Variants in CTNNA2 observed in about 807,000 individuals in gnomAD.
CTNNA2 encodes catenin alpha-2.
CTNNA2 carries 42 observed loss-of-function variants against 101.0 expected under a neutral mutation model. The ratio of observed to expected loss-of-function variants is 0.42; its 90% confidence interval spans 0.32 to 0.54. CTNNA2 has a LOEUF of 0.54. CTNNA2 is among the 20% of genes least tolerant of loss of function. The pLI, the probability that CTNNA2 is intolerant of heterozygous loss-of-function variation, is 0.14. For missense variants in CTNNA2, 871 were observed against 1,223.1 expected (o/e 0.71, Z 4.29); for synonymous variants, 450 against 456.4 (o/e 0.99, Z 0.18).
At chr2:80,357,209 CA>C (rs2149309313) in intron 7 of CTNNA2, among the ~76,000 whole-genome samples, 1 of 151,796 alleles carries the variant, frequency 6.6e-6, no homozygotes, top group South Asian at 2.1e-4. Context: ...GTTACCTTGC[CA>C]GGAGGCATTC....
chr2:79,652,091 A>G (rs574293446), intron 2 of CTNNA2, among the ~76,000 whole-genome samples: 22 of 152,300 alleles, frequency 1.4e-4, no homozygotes, highest in African/African-American at 5.3e-4. Context: ...GAGATGTTCC[A>G]TTTTTGTGTT....
intron 3 of CTNNA2, among the ~76,000 whole-genome samples, chr2:79,769,008 C>A (rs904925599): frequency 1.3e-5 from 2 of 152,136 alleles, no homozygotes; most frequent in African/African-American, 4.8e-5. Flanking sequence ...GTGCCCGCCA[C>A]CACGCCTGGC....
intron 7 of CTNNA2, among the ~76,000 whole-genome samples, chr2:80,062,984 C>A (rs1021072455): frequency 7.9e-5 from 12 of 152,132 alleles, no homozygotes; most frequent in African/African-American, 2.2e-4. Context: ...GGATTACAGG[C>A]GTGAGCCACC....
chr2:80,132,696 C>T (rs1380992679), intron 7 of CTNNA2, among the ~76,000 whole-genome samples: 1 of 152,098 alleles, frequency 6.6e-6, no homozygotes, highest in African/African-American at 2.4e-5. Context: ...GTGAGTAAAA[C>T]TAAAATTAGC....
intron 7 of CTNNA2, among the ~76,000 whole-genome samples, chr2:80,165,829 C>A (rs1010273922): frequency 1.3e-5 from 2 of 152,198 alleles, no homozygotes; most frequent in Non-Finnish European, 1.5e-5. Flanking sequence ...TCTTGGCGTT[C>A]TACTTGGGCT....
intron 8 of CTNNA2, among the ~76,000 whole-genome samples, chr2:80,409,144 A>T (rs1270863614): frequency 3.3e-5 from 5 of 152,198 alleles, no homozygotes; most frequent in Non-Finnish European, 7.3e-5. Flanking sequence ...CAAGGTAGTT[A>T]TGCTAGAAAT....
intron 7 of CTNNA2, among the ~76,000 whole-genome samples, chr2:80,015,466 G>A (rs909548263): frequency 6.6e-5 from 10 of 152,120 alleles, no homozygotes; most frequent in Admixed American, 1.3e-4. Flanking sequence ...AGCGCTCTCT[G>A]ATGGGGTACT....
At chr2:80,526,490 G>A (rs1389509407) in intron 9 of CTNNA2, among the ~76,000 whole-genome samples, 8 of 151,842 alleles carry the variant, frequency 5.3e-5, no homozygotes, top group African/African-American at 1.7e-4. Context: ...GCGTCACCAC[G>A]CCTGGCTAAT....
At chr2:80,254,226 C>G (rs1671970024) in intron 7 of CTNNA2, among the ~76,000 whole-genome samples, 1 of 152,054 alleles carries the variant, frequency 6.6e-6, no homozygotes, top group Non-Finnish European at 1.5e-5. Flanking sequence ...CCTGTTTCAT[C>G]TGTTTTGACT....
At chr2:79,908,613 T>A (rs1057401015) in intron 6 of CTNNA2, among the ~76,000 whole-genome samples, 1 of 152,234 alleles carries the variant, frequency 6.6e-6, no homozygotes, top group Non-Finnish European at 1.5e-5. Context: ...CATCACGCTC[T>A]ACCCTCCTCA....
intron 1 of CTNNA2, among the ~76,000 whole-genome samples, chr2:79,541,441 T>C (rs1208424492): frequency 0.013 from 1,927 of 147,564 alleles, 31 homozygotes; most frequent in South Asian, 0.036. Flanking sequence ...TATATATATA[T>C]ATATATATAT....
At chr2:80,274,329 G>A (rs989783324) in intron 7 of CTNNA2, among the ~76,000 whole-genome samples, 10 of 152,106 alleles carry the variant, frequency 6.6e-5, no homozygotes, top group African/African-American at 2.2e-4. Context: ...TTATCATCTC[G>A]CTATGAAAGT....
intron 7 of CTNNA2, among the ~76,000 whole-genome samples, chr2:80,067,433 T>G (rs1698060065): frequency 6.6e-6 from 1 of 152,114 alleles, no homozygotes; most frequent in Non-Finnish European, 1.5e-5. Flanking sequence ...ATTTGTCAAC[T>G]GAAAATAATA....
At chr2:80,094,073 C>T (rs1367819770) in intron 7 of CTNNA2, among the ~76,000 whole-genome samples, 1 of 152,138 alleles carries the variant, frequency 6.6e-6, no homozygotes, top group Admixed American at 6.5e-5. Flanking sequence ...GACATGAAGT[C>T]CTTGCCCATG....
intron 4 of CTNNA2, among the ~76,000 whole-genome samples, chr2:79,427,575 A>G (rs1391392136): frequency 2.6e-5 from 4 of 151,780 alleles, no homozygotes; most frequent in African/African-American, 9.7e-5. Flanking sequence ...TATGAAACCA[A>G]CTGACCCTGA....
intron 15 of CTNNA2, among the ~76,000 whole-genome samples, chr2:80,597,169 T>C (rs1438907528): frequency 1.3e-5 from 2 of 152,156 alleles, no homozygotes; most frequent in African/African-American, 4.8e-5. Flanking sequence ...TCGACAACCA[T>C]CTGATCTTTG....
chr2:79,941,714 G>A (rs1291078379), intron 7 of CTNNA2, among the ~76,000 whole-genome samples: 1 of 152,136 alleles, frequency 6.6e-6, no homozygotes, highest in Non-Finnish European at 1.5e-5. Context: ...CACCTCCCAA[G>A]TTCAAGTGAT....
At chr2:80,457,521 C>T (rs142007301) in intron 9 of CTNNA2, among the ~76,000 whole-genome samples, 28 of 152,068 alleles carry the variant, frequency 1.8e-4, no homozygotes, top group African/African-American at 6.8e-4. Flanking sequence ...GTATACAATA[C>T]ACTGTCTATA....
chr2:80,517,463 C>T (rs533431099), intron 9 of CTNNA2, among the ~76,000 whole-genome samples: 1 of 152,186 alleles, frequency 6.6e-6, no homozygotes, highest in East Asian at 1.9e-4. Flanking sequence ...TGTAAGTTGC[C>T]CTGGGGCCCA....
Sources: allele counts gnomAD v4.1 joint callset (sites outside exome capture counted in the v4.1 genomes callset), GRCh38; gene constraint gnomAD v4.1.1; transcripts MANE v1.5; gene names NCBI Gene and HGNC (gene_info 2026-07-23, HGNC 2026-07-21).